SLCO6A1: variants seen among roughly 807,000 people sequenced by gnomAD.
The protein encoded by SLCO6A1 is cancer/testis antigen 48.
Under a neutral mutation model 72.7 loss-of-function variants are expected in SLCO6A1, and 65 were observed. That is an observed-to-expected ratio of 0.89 (90% CI 0.73 to 1.10). The LOEUF (loss-of-function observed/expected upper bound fraction) is 1.10, where lower values mean the gene tolerates loss of function less well. Ranked by LOEUF, SLCO6A1 falls within the 50% of genes least tolerant of loss-of-function variation. SLCO6A1 has a pLI of 0.00. For synonymous variants in SLCO6A1, 314 were observed against 298.2 expected (o/e 1.05, Z -0.55); for missense variants, 874 against 872.6 (o/e 1.00, Z -0.02).
intron 12 of SLCO6A1, among the ~76,000 whole-genome samples, chr5:102,377,140 G>T (rs1000995629): frequency 1.3e-5 from 2 of 151,994 alleles, no homozygotes; most frequent in Admixed American, 6.6e-5. Flanking sequence ...CTCCAGCCTG[G>T]GTGACAGAGC....
chr5:102,452,975 GA>G (rs1750505870), intron 6 of SLCO6A1, among the ~76,000 whole-genome samples: 1 of 152,124 alleles, frequency 6.6e-6, no homozygotes, highest in South Asian at 2.1e-4. Context: ...AATTAATAGA[GA>G]AAGACAATTG....
intron 4 of SLCO6A1, 102 bp downstream of exon 4, chr5:102,475,595 G>T (rs2112813421): frequency 1.5e-6 from 1 of 665,894 alleles, no homozygotes. Context: ...CTAAAACTAT[G>T]GTTATTACAA....
At chr5:102,425,079 CT>C (rs1185650505) in intron 7 of SLCO6A1, among the ~76,000 whole-genome samples, 2 of 152,068 alleles carry the variant, frequency 1.3e-5, no homozygotes, top group African/African-American at 4.8e-5. Context: ...CCCCTTCATG[CT>C]AAAAACACTC....
intron 10 of SLCO6A1, among the ~76,000 whole-genome samples, chr5:102,399,240 A>T (rs1278459807): frequency 6.6e-6 from 1 of 150,398 alleles, no homozygotes; most frequent in Non-Finnish European, 1.5e-5. Flanking sequence ...AATTATAATG[A>T]GTTAACATTA....
At chr5:102,386,685 A>C (rs1746435991) in intron 12 of SLCO6A1, among the ~76,000 whole-genome samples, 1 of 152,142 alleles carries the variant, frequency 6.6e-6, no homozygotes, top group Admixed American at 6.5e-5. Context: ...CTTGTGTAAC[A>C]CAGGATTGGG....
chr5:102,437,490 T>C (rs1288855139), intron 7 of SLCO6A1, among the ~76,000 whole-genome samples: 3 of 152,114 alleles, frequency 2.0e-5, no homozygotes, highest in Non-Finnish European at 4.4e-5. Context: ...ATAATAGCCT[T>C]AATTAAATAT....
intron 4 of SLCO6A1, among the ~76,000 whole-genome samples, chr5:102,471,631 T>C (rs1751613933): frequency 6.6e-6 from 1 of 152,116 alleles, no homozygotes; most frequent in African/African-American, 2.4e-5. Flanking sequence ...CAACCTGTGA[T>C]AATTTTAATA....
chr5:102,458,356 TG>T (rs1456215004), intron 6 of SLCO6A1, 25 bp downstream of exon 6: 2 of 1,516,232 alleles, frequency 1.3e-6, no homozygotes, highest in Non-Finnish European at 1.8e-6. Context: ...TTAGTTGGAT[TG>T]TTCAAGTAAA....
intron 6 of SLCO6A1, among the ~76,000 whole-genome samples, chr5:102,442,714 A>C (rs1202420111): frequency 6.6e-6 from 1 of 152,218 alleles, no homozygotes; most frequent in Admixed American, 6.5e-5. Context: ...TTAAACATAA[A>C]AGTAAGAAAA....
intron 1 of SLCO6A1, among the ~76,000 whole-genome samples, chr5:102,486,063 C>T (rs1273324590): frequency 6.6e-6 from 1 of 152,106 alleles, no homozygotes; most frequent in East Asian, 1.9e-4. Flanking sequence ...TTTTACAAGA[C>T]AAAACTCTTC....
rs564242257 is a variant in SLCO6A1 at position 102,390,424 on chromosome 5, AT to A, written c.1879+556del. Among the ~76,000 whole-genome samples the A allele has an allele frequency of 2.0e-3, 298 of 152,310 alleles. 3 individuals are homozygous for A. Among genetic ancestry groups the A allele is most frequent in the African/African-American group, 6.9e-3 (289 of 41,584 alleles). ...AGATTTTTCTACATTTTTAAATTAT[AT>A]GCCTTTCAGTCTTTAATCCAAGAAT... On this transcript the variant is annotated intron_variant, in intron 11 of 13. Transcript: ENST00000506729.
At chr5:102,419,425 T>C (rs1366027498) in intron 8 of SLCO6A1, among the ~76,000 whole-genome samples, 1 of 152,190 alleles carries the variant, frequency 6.6e-6, no homozygotes, top group Non-Finnish European at 1.5e-5. Flanking sequence ...ATATTACCCA[T>C]GCATACCTTC....
chr5:102,421,589 G>C (rs1748609115), intron 7 of SLCO6A1, among the ~76,000 whole-genome samples: 1 of 152,120 alleles, frequency 6.6e-6, no homozygotes, highest in African/African-American at 2.4e-5. Context: ...TCACTGGGCA[G>C]GGCATCCTTG....
At chr5:102,444,978 A>G (rs1433840009) in intron 6 of SLCO6A1, among the ~76,000 whole-genome samples, 1 of 152,176 alleles carries the variant, frequency 6.6e-6, no homozygotes, top group Admixed American at 6.5e-5. Flanking sequence ...ACCACTAATG[A>G]GCATCTAGGT....
At chr5:102,463,209 C>G (rs1188337830) in intron 4 of SLCO6A1, among the ~76,000 whole-genome samples, 1 of 151,990 alleles carries the variant, frequency 6.6e-6, no homozygotes, top group Non-Finnish European at 1.5e-5. Flanking sequence ...AAGTTAAAAC[C>G]ACAATGAGAT....
chr5:102,380,936 C>T (rs575233854), intron 12 of SLCO6A1, among the ~76,000 whole-genome samples: 17 of 151,746 alleles, frequency 1.1e-4, no homozygotes, highest in African/African-American at 3.4e-4. Flanking sequence ...TTCTTTTCTC[C>T]CTAAGCTTTA....
chr5:102,392,315 G>C (rs547369190), intron 10 of SLCO6A1, among the ~76,000 whole-genome samples: 1 of 151,932 alleles, frequency 6.6e-6, no homozygotes, highest in East Asian at 1.9e-4. Flanking sequence ...CTTTCATTAT[G>C]AGCAGATTCA....
intron 2 of SLCO6A1, among the ~76,000 whole-genome samples, chr5:102,479,375 C>A (rs1752070667): frequency 6.6e-6 from 1 of 152,224 alleles, no homozygotes; most frequent in South Asian, 2.1e-4. Flanking sequence ...TTATAAATTA[C>A]CCAGTCTCAG....
intron 8 of SLCO6A1, among the ~76,000 whole-genome samples, chr5:102,414,178 CTT>C (rs1735087651): frequency 6.6e-6 from 1 of 151,934 alleles, no homozygotes; most frequent in African/African-American, 2.4e-5. Flanking sequence ...AATATTTTCT[CTT>C]ATATTTTTGG....
Sources: allele counts gnomAD v4.1 joint callset (sites outside exome capture counted in the v4.1 genomes callset), GRCh38; gene constraint gnomAD v4.1.1; transcripts MANE v1.5; gene names NCBI Gene and HGNC (gene_info 2026-07-23, HGNC 2026-07-21).